TCF4: variants seen among roughly 807,000 people sequenced by gnomAD.
The protein encoded by TCF4 is transcription factor 4.
A neutral mutation model predicts 82.1 loss-of-function variants in TCF4; 3 were observed. The observed-to-expected ratio is 0.04, with a 90% CI of 0.02 to 0.09. The LOEUF is 0.09. Ranked by LOEUF, TCF4 falls within the 10% of genes least tolerant of loss-of-function variation. The pLI, the probability that TCF4 is intolerant of heterozygous loss-of-function variation, is 1.00. For synonymous variants in TCF4, 276 were observed against 309.6 expected, an observed-to-expected ratio of 0.89 and a Z score of 1.14; for missense variants, 518 against 852.7, an observed-to-expected ratio of 0.61 and a Z score of 4.89.
At chr18:55,340,426 GAA>G (rs1236291276) in intron 8 of TCF4, among the ~76,000 whole-genome samples, 1 of 151,354 alleles carries the variant, frequency 6.6e-6, no homozygotes, top group Non-Finnish European at 1.5e-5. Context: ...CAAAAAAAAA[GAA>G]AAAAATTAGC....
intron 8 of TCF4, among the ~76,000 whole-genome samples, chr18:55,288,818 G>A (rs1471988045): frequency 2.6e-5 from 4 of 152,172 alleles, no homozygotes; most frequent in African/African-American, 4.8e-5. Flanking sequence ...CTAAGTAACC[G>A]GCTGAGAGTT....
chr18:55,586,711 G>A (rs959281159), intron 2 of TCF4, among the ~76,000 whole-genome samples: 1 of 152,122 alleles, frequency 6.6e-6, no homozygotes, highest in Non-Finnish European at 1.5e-5. Context: ...AGTAGTCTCA[G>A]TGTTCAGACA....
intron 3 of TCF4, among the ~76,000 whole-genome samples, chr18:55,565,639 T>A (rs1203728727): frequency 6.6e-6 from 1 of 152,108 alleles, no homozygotes; most frequent in African/African-American, 2.4e-5. Context: ...TTAGTAGAAA[T>A]AACAAGACTA....
chr18:55,524,268 G>T (rs1420882498), intron 3 of TCF4, among the ~76,000 whole-genome samples: 6 of 151,590 alleles, frequency 4.0e-5, no homozygotes, highest in African/African-American at 1.2e-4. Flanking sequence ...TTACTATATG[G>T]TATTCATTAA....
chr18:55,524,230 T>A (rs1394739481), intron 3 of TCF4, among the ~76,000 whole-genome samples: 1 of 152,100 alleles, frequency 6.6e-6, no homozygotes, highest in Non-Finnish European at 1.5e-5. Flanking sequence ...TGGTCAAGAA[T>A]GTTTTTCTGC....
At chr18:55,519,945 A>C (rs1328153024) in intron 3 of TCF4, among the ~76,000 whole-genome samples, 1 of 152,222 alleles carries the variant, frequency 6.6e-6, no homozygotes, top group Non-Finnish European at 1.5e-5. Flanking sequence ...TTCACACTTT[A>C]GCAGGGAATT....
chr18:55,346,995 TTAG>T (rs2081315063), intron 8 of TCF4, among the ~76,000 whole-genome samples: 1 of 152,170 alleles, frequency 6.6e-6, no homozygotes, highest in Non-Finnish European at 1.5e-5. Flanking sequence ...TGTATGATTA[TTAG>T]GTTATATAAA....
At chr18:55,572,417 G>A (rs1015560771) in intron 3 of TCF4, among the ~76,000 whole-genome samples, 1 of 152,180 alleles carries the variant, frequency 6.6e-6, no homozygotes, top group Non-Finnish European at 1.5e-5. Context: ...CTGAGAAAAT[G>A]GAGTGAGGAG....
intron 6 of TCF4, among the ~76,000 whole-genome samples, chr18:55,399,910 ACACACACACACACAC>A (rs2093718697): frequency 6.6e-6 from 1 of 150,422 alleles, no homozygotes; most frequent in African/African-American, 2.5e-5. Flanking sequence ...ACACACACAC[ACACACACACACACAC>A]AATACTAAAA....
intron 2 of TCF4, among the ~76,000 whole-genome samples, chr18:55,620,004 G>C (rs1162103052): frequency 6.6e-6 from 1 of 152,138 alleles, no homozygotes; most frequent in Non-Finnish European, 1.5e-5. Context: ...AACTGTGGGG[G>C]TGGTTTCCTC....
intron 3 of TCF4, among the ~76,000 whole-genome samples, chr18:55,527,222 C>T (rs889074290): frequency 1.3e-5 from 2 of 152,178 alleles, no homozygotes; most frequent in East Asian, 3.9e-4. Flanking sequence ...ACAAACATCG[C>T]CTTCACATAC....
intron 8 of TCF4, among the ~76,000 whole-genome samples, chr18:55,292,331 T>C (rs959230641): frequency 1.3e-5 from 2 of 152,182 alleles, no homozygotes; most frequent in African/African-American, 4.8e-5. Flanking sequence ...TAAATTACTT[T>C]GTTCAATAAT....
At chr18:55,430,640 G>A (rs575235882) in intron 5 of TCF4, among the ~76,000 whole-genome samples, 79 of 7,290 alleles carry the variant, frequency 0.011, no homozygotes, top group Middle Eastern at 0.5. Context: ...GCAGAAAGCA[G>A]GAAAAAAAAA....
chr18:55,432,926 C>G (rs1458490232), intron 5 of TCF4, among the ~76,000 whole-genome samples: 1 of 152,126 alleles, frequency 6.6e-6, no homozygotes, highest in African/African-American at 2.4e-5. Flanking sequence ...ATAATGATGA[C>G]AATATTTTCC....
intron 8 of TCF4, among the ~76,000 whole-genome samples, chr18:55,323,558 G>T (rs917550479): frequency 6.6e-6 from 1 of 152,172 alleles, no homozygotes; most frequent in South Asian, 2.1e-4. Flanking sequence ...CCAGAGGTTT[G>T]TGTAAACAGT....
At chr18:55,447,157 A>C (rs935114279) in intron 5 of TCF4, among the ~76,000 whole-genome samples, 6 of 151,994 alleles carry the variant, frequency 3.9e-5, no homozygotes, top group African/African-American at 1.4e-4. Context: ...TAAAAATAGA[A>C]AAAATTAGCC....
chr18:55,538,771 G>A (rs1420780191), intron 3 of TCF4, among the ~76,000 whole-genome samples: 1 of 152,164 alleles, frequency 6.6e-6, no homozygotes, highest in African/African-American at 2.4e-5. Flanking sequence ...TCACTCTTCT[G>A]TGTATTCTCT....
rs541221676 is a variant in TCF4 at position 55,456,433 on chromosome 18, C to T, written c.304+4586G>A. Among the ~76,000 whole-genome samples, 113 of 152,254 alleles carry T rather than the reference C, an allele frequency of 7.4e-4. 1 individual carries two copies. The highest frequency in any genetic ancestry group is 2.5e-3 in the African/African-American group (105 of 41,538). ...AATGGGCCATGTGAAAGCATAGCCC[C>T]GATGCTGAACTAAGCTGTAGCCAAA... On this transcript the variant is annotated intron_variant, in intron 5 of 19. Transcript: ENST00000354452.
intron 8 of TCF4, chr18:55,320,959 T>C (rs2147467938): frequency 6.5e-6 from 1 of 152,746 alleles, no homozygotes; most frequent in African/African-American, 2.4e-5. Flanking sequence ...CATTTTTTTC[T>C]TAAATAAAGC....
Sources: gnomAD v4.1 joint callset for allele counts (sites outside exome capture counted in the v4.1 genomes callset) on GRCh38, gnomAD v4.1.1 for gene constraint, MANE v1.5 for transcripts, NCBI Gene and HGNC (gene_info 2026-07-23, HGNC 2026-07-21) for gene names.